LRP1B: variants seen among roughly 807,000 people sequenced by gnomAD.
The protein encoded by LRP1B is low-density lipoprotein receptor-related protein 1B.
A neutral mutation model predicts 556.6 loss-of-function variants in LRP1B; 217 were observed. The observed-to-expected ratio is 0.39, with a 90% CI of 0.35 to 0.44. LRP1B has a LOEUF of 0.44. Ranked by LOEUF, LRP1B falls within the 20% of genes least tolerant of loss-of-function variation. The probability of loss-of-function intolerance (pLI) is 1.00; values close to 1 mark genes in which losing one functional copy is unlikely to be tolerated. For synonymous variants in LRP1B, 2,047 were observed against 1,865.8 expected (o/e 1.10, Z -2.50); for missense variants, 5,053 against 5,620.8 (o/e 0.90, Z 3.23).
At chr2:141,780,255 C>A (rs1695209926) in intron 2 of LRP1B, among the ~76,000 whole-genome samples, 1 of 151,906 alleles carries the variant, frequency 6.6e-6, no homozygotes, top group Non-Finnish European at 1.5e-5. Context: ...GATAGGGAAT[C>A]ACTTTTCAGA....
chr2:140,605,014 G>A (rs1682816664), intron 41 of LRP1B, among the ~76,000 whole-genome samples: 1 of 152,084 alleles, frequency 6.6e-6, no homozygotes, highest in African/African-American at 2.4e-5. Flanking sequence ...AAATTACCCA[G>A]TCTCGGGTAT....
intron 2 of LRP1B, among the ~76,000 whole-genome samples, chr2:141,687,339 C>T (rs1691350467): frequency 6.6e-6 from 1 of 151,906 alleles, no homozygotes; most frequent in Admixed American, 6.6e-5. Flanking sequence ...TACCCAATTA[C>T]ATTTTATAAC....
chr2:140,972,792 G>C (rs11692541), intron 18 of LRP1B, among the ~76,000 whole-genome samples: 22,870 of 150,762 alleles, frequency 0.15, 1,833 homozygotes, highest in East Asian at 0.27. Flanking sequence ...GGAAACTAGA[G>C]AGAGGTGAAG....
At chr2:141,767,914 G>A (rs1011979366) in intron 2 of LRP1B, among the ~76,000 whole-genome samples, 2 of 152,072 alleles carry the variant, frequency 1.3e-5, no homozygotes, top group African/African-American at 4.8e-5. Flanking sequence ...CACATGTTCA[G>A]TAATCATTTG....
At chr2:141,234,282 T>C (rs2105304466) in intron 5 of LRP1B, among the ~76,000 whole-genome samples, 1 of 152,284 alleles carries the variant, frequency 6.6e-6, no homozygotes, top group Non-Finnish European at 1.5e-5. Flanking sequence ...GAACTTCTAA[T>C]CAAAATTGTT....
chr2:141,794,232 C>T (rs1183975220), intron 2 of LRP1B, among the ~76,000 whole-genome samples: 1 of 151,856 alleles, frequency 6.6e-6, no homozygotes, highest in Non-Finnish European at 1.5e-5. Flanking sequence ...CTAATGAAAA[C>T]TCTTCCCCTT....
chr2:141,025,969 T>C (rs1698206251), intron 11 of LRP1B, among the ~76,000 whole-genome samples: 2 of 152,114 alleles, frequency 1.3e-5, no homozygotes, highest in Admixed American at 1.3e-4. Context: ...TAGATCATTG[T>C]ACAATATTCC....
intron 1 of LRP1B, among the ~76,000 whole-genome samples, chr2:141,899,711 T>A (rs1699559766): frequency 6.6e-6 from 1 of 152,016 alleles, no homozygotes; most frequent in Non-Finnish European, 1.5e-5. Context: ...CTTTGGAAAA[T>A]CACAAGTAAA....
At chr2:141,040,037 G>A (rs115714850) in intron 11 of LRP1B, among the ~76,000 whole-genome samples, 147 of 152,148 alleles carry the variant, frequency 9.7e-4, no homozygotes, top group Middle Eastern at 3.4e-3. Flanking sequence ...TTGACACTCA[G>A]TGTGATAACA....
At chr2:140,537,042 G>A (rs1381107755) in intron 45 of LRP1B, among the ~76,000 whole-genome samples, 6 of 150,798 alleles carry the variant, frequency 4.0e-5, no homozygotes, top group Admixed American at 2.0e-4. Flanking sequence ...ATGGTGGCAC[G>A]CGCCTGTAGT....
chr2:141,080,558 C>G (rs1190162141), intron 7 of LRP1B, among the ~76,000 whole-genome samples: 1 of 152,176 alleles, frequency 6.6e-6, no homozygotes, highest in Non-Finnish European at 1.5e-5. Context: ...GTGTAAAAAA[C>G]TTCAGAGACA....
chr2:141,049,513 A>C (rs906180184), intron 10 of LRP1B, among the ~76,000 whole-genome samples: 1 of 152,090 alleles, frequency 6.6e-6, no homozygotes, highest in Non-Finnish European at 1.5e-5. Flanking sequence ...GTAACTTGTA[A>C]AACCGGCATT....
At chr2:141,067,007 A>G (rs1368979993) in intron 7 of LRP1B, among the ~76,000 whole-genome samples, 1 of 151,942 alleles carries the variant, frequency 6.6e-6, no homozygotes, top group Admixed American at 6.6e-5. Context: ...CAGGAAAATG[A>G]TACGTATTTT....
At chr2:141,774,503 T>A (rs570551915) in intron 2 of LRP1B, among the ~76,000 whole-genome samples, 82 of 152,206 alleles carry the variant, frequency 5.4e-4, no homozygotes, top group African/African-American at 1.9e-3. Flanking sequence ...CATGATTCCA[T>A]CACCTCCTAC....
intron 2 of LRP1B, among the ~76,000 whole-genome samples, chr2:141,796,063 C>T (rs1186269574): frequency 6.6e-6 from 1 of 151,270 alleles, no homozygotes; most frequent in Non-Finnish European, 1.5e-5. Flanking sequence ...AATCCAATTA[C>T]TGTGATTCCT....
chr2:141,618,674 C>T (rs1019260510), intron 2 of LRP1B, among the ~76,000 whole-genome samples: 6 of 152,122 alleles, frequency 3.9e-5, no homozygotes, highest in African/African-American at 1.4e-4. Context: ...ACTATAGAAA[C>T]AGCAGTGAAA....
chr2:140,968,757 A>G (rs1696316181), intron 18 of LRP1B, among the ~76,000 whole-genome samples: 1 of 152,174 alleles, frequency 6.6e-6, no homozygotes, highest in Admixed American at 6.5e-5. Context: ...TTCAAAGAAC[A>G]TCTTTATTTC....
intron 6 of LRP1B, among the ~76,000 whole-genome samples, chr2:141,194,584 A>C (rs1235581057): frequency 6.6e-6 from 1 of 152,102 alleles, no homozygotes; most frequent in African/African-American, 2.4e-5. Flanking sequence ...AAAATTTACA[A>C]AGCATTTTGT....
At chr2:141,365,655 C>CTCT (rs1688999593) in intron 3 of LRP1B, among the ~76,000 whole-genome samples, 1 of 121,150 alleles carries the variant, frequency 8.3e-6, no homozygotes, top group African/African-American at 3.2e-5. Context: ...GTTTTTGTTG[C>CTCT]TTTTTTTTTT....
Sources: gnomAD v4.1 joint callset for allele counts (sites outside exome capture counted in the v4.1 genomes callset) on GRCh38, gnomAD v4.1.1 for gene constraint, MANE v1.5 for transcripts, NCBI Gene and HGNC (gene_info 2026-07-23, HGNC 2026-07-21) for gene names.